MSANTD5: variants seen among roughly 807,000 people sequenced by gnomAD.
MSANTD5 encodes the protein Myb/SANT DNA binding domain containing 5.
At chr5:178,703,722 C>T in the MSANTD5 span, among the ~76,000 whole-genome samples, 2 of 151,854 alleles carry the variant, frequency 1.3e-5, no homozygotes, top group Admixed American at 1.3e-4. Context: ...GTGGCTCACA[C>T]CTGTAATTCC....
chr5:178,691,787 C>T (rs1044454412), downstream of MSANTD5, among the ~76,000 whole-genome samples: 2 of 136,906 alleles, frequency 1.5e-5, no homozygotes, highest in African/African-American at 5.2e-5. Flanking sequence ...AGGCATACAA[C>T]ATGCTCCGTA....
chr5:178,706,970 T>C, the MSANTD5 span: 2 of 152,190 alleles, frequency 1.3e-5, no homozygotes, highest in Non-Finnish European at 2.9e-5. Flanking sequence ...TTGGCTCCAG[T>C]GGGCTCCAAG....
At chr5:178,703,199 G>A in the MSANTD5 span, among the ~76,000 whole-genome samples, 12 of 152,384 alleles carry the variant, frequency 7.9e-5, no homozygotes, top group Middle Eastern at 6.8e-3. Context: ...AGCAGCAGGA[G>A]TGAGGCGTGG....
At chr5:178,701,276 TG>T (rs1261284785), upstream of MSANTD5, among the ~76,000 whole-genome samples, 6 of 152,018 alleles carry the variant, frequency 3.9e-5, no homozygotes, top group Non-Finnish European at 8.8e-5. Flanking sequence ...GATGCCCAGC[TG>T]GGTGTTCAGT....
upstream of MSANTD5, among the ~76,000 whole-genome samples, chr5:178,700,709 C>G (rs1765468925): frequency 7.0e-6 from 1 of 143,282 alleles, no homozygotes; most frequent in Non-Finnish European, 1.6e-5. Context: ...CCAGGTGGGT[C>G]TGATGCATAA....
upstream of MSANTD5, among the ~76,000 whole-genome samples, chr5:178,698,810 T>C (rs546860702): frequency 1.7e-4 from 25 of 147,168 alleles, no homozygotes; most frequent in South Asian, 2.4e-3. Context: ...AGGCTGGTTG[T>C]GAACTCTTCA....
downstream of MSANTD5, among the ~76,000 whole-genome samples, chr5:178,692,132 C>A (rs1765362952): frequency 1.5e-5 from 2 of 131,114 alleles, 1 homozygote; most frequent in Non-Finnish European, 3.4e-5. Context: ...GTAATCCCAG[C>A]ACTTTGGGAG....
chr5:178,697,324 G>A (rs891982591), intron 1 of MSANTD5, among the ~76,000 whole-genome samples: 1 of 151,654 alleles, frequency 6.6e-6, no homozygotes, highest in Non-Finnish European at 1.5e-5. Flanking sequence ...CGTGGTGGCG[G>A]GCGCCTGTAG....
At chr5:178,699,164 T>TC (rs1765451000), upstream of MSANTD5, among the ~76,000 whole-genome samples, 3 of 151,968 alleles carry the variant, frequency 2.0e-5, no homozygotes, top group Admixed American at 2.0e-4. Context: ...ACCGTCTTCT[T>TC]CCCCAGGCTC....
intron 1 of MSANTD5, among the ~76,000 whole-genome samples, chr5:178,697,344 C>T (rs1416181749): frequency 1.3e-5 from 2 of 151,970 alleles, no homozygotes; most frequent in Non-Finnish European, 2.9e-5. Context: ...GTCCCAGCTA[C>T]TCGGGAGGCT....
At chr5:178,702,237 C>A (rs1765494282), upstream of MSANTD5, among the ~76,000 whole-genome samples, 1 of 150,912 alleles carries the variant, frequency 6.6e-6, no homozygotes, top group Non-Finnish European at 1.5e-5. Context: ...AAGTATTATG[C>A]AACAAGGGAG....
chr5:178,702,412 G>C (rs1016521616), upstream of MSANTD5, among the ~76,000 whole-genome samples: 21 of 140,174 alleles, frequency 1.5e-4, no homozygotes, highest in Non-Finnish European at 6.1e-5. Flanking sequence ...GCGATTCTTC[G>C]GCCTCAGCCT....
At chr5:178,705,053 C>CT in the MSANTD5 span, among the ~76,000 whole-genome samples, 2,019 of 148,116 alleles carry the variant, frequency 0.014, 38 homozygotes, top group African/African-American at 0.045. Context: ...TTCTTCTTTT[C>CT]TTTTTTTTTT....
downstream of MSANTD5, among the ~76,000 whole-genome samples, chr5:178,692,655 T>C (rs1440263453): frequency 2.0e-5 from 3 of 152,038 alleles, 1 homozygote; most frequent in African/African-American, 7.3e-5. Context: ...GAATCTCTAA[T>C]GAGTAACTGA....
upstream of MSANTD5, among the ~76,000 whole-genome samples, chr5:178,699,254 G>A (rs1193334242): frequency 6.6e-6 from 1 of 152,104 alleles, no homozygotes; most frequent in East Asian, 1.9e-4. Context: ...CACTCAGCGT[G>A]TTCACCCCCA....
At chr5:178,698,899 C>G (rs1181772559), upstream of MSANTD5, among the ~76,000 whole-genome samples, 1 of 151,828 alleles carries the variant, frequency 6.6e-6, no homozygotes, top group African/African-American at 2.4e-5. Flanking sequence ...CCTAGTGGTA[C>G]CTTAAGTCAG....
the MSANTD5 span, among the ~76,000 whole-genome samples, chr5:178,703,250 G>C: frequency 1.3e-5 from 2 of 152,232 alleles, no homozygotes; most frequent in Non-Finnish European, 2.9e-5. Flanking sequence ...GTGTGCGGAG[G>C]GCGCCCACGG....
At chr5:178,694,757 A>G (rs2169763) in exon 4 of MSANTD5, 45,413 of 151,942 alleles carry the variant, frequency 0.3, 6,944 homozygotes, top group East Asian at 0.36. Context: ...GGGCTGCCGG[A>G]GGCAAAGCAG....
downstream of MSANTD5, among the ~76,000 whole-genome samples, chr5:178,691,795 G>A (rs1466311211): frequency 7.3e-6 from 1 of 136,694 alleles, no homozygotes; most frequent in Admixed American, 7.4e-5. Flanking sequence ...AACATGCTCC[G>A]TATCATCAGC....
Sources: gnomAD v4.1 joint callset for allele counts (sites outside exome capture counted in the v4.1 genomes callset) on GRCh38, gnomAD v4.1.1 for gene constraint, MANE v1.5 for transcripts, NCBI Gene and HGNC (gene_info 2026-07-23, HGNC 2026-07-21) for gene names.